SPMIP2: variants seen among roughly 807,000 people sequenced by gnomAD.
SPMIP2 encodes the protein protein SPMIP2.
the SPMIP2 span, among the ~76,000 whole-genome samples, chr4:158,920,400 C>A: frequency 6.6e-6 from 1 of 152,130 alleles, no homozygotes; most frequent in Non-Finnish European, 1.5e-5. Flanking sequence ...TTGTAGAGAG[C>A]CTATAAATGG....
the SPMIP2 span, among the ~76,000 whole-genome samples, chr4:159,060,814 G>A: frequency 2.0e-5 from 3 of 152,106 alleles, no homozygotes; most frequent in Non-Finnish European, 2.9e-5. Flanking sequence ...GCTGGGTGCC[G>A]TGGCTCCCGC....
the SPMIP2 span, among the ~76,000 whole-genome samples, chr4:158,909,768 C>T: frequency 6.6e-6 from 1 of 152,100 alleles, no homozygotes; most frequent in East Asian, 1.9e-4. Flanking sequence ...TGGGGCTGGA[C>T]GCAATGGCTC....
the SPMIP2 span, among the ~76,000 whole-genome samples, chr4:158,980,065 TCA>T: frequency 6.6e-6 from 1 of 152,106 alleles, no homozygotes; most frequent in African/African-American, 2.4e-5. Flanking sequence ...GGTTTTCCCC[TCA>T]CAGTGTAAAC....
chr4:159,002,760 A>T, the SPMIP2 span, among the ~76,000 whole-genome samples: 1 of 137,834 alleles, frequency 7.3e-6, no homozygotes, highest in Non-Finnish European at 1.6e-5. Context: ...AATGATACAT[A>T]TCACTGCACA....
the SPMIP2 span, among the ~76,000 whole-genome samples, chr4:158,952,283 A>C: frequency 2.6e-5 from 4 of 152,158 alleles, no homozygotes; most frequent in Admixed American, 2.6e-4. Context: ...CTCATTTTGA[A>C]TTGTACTCCC....
At chr4:158,946,565 T>C in the SPMIP2 span, among the ~76,000 whole-genome samples, 1 of 152,156 alleles carries the variant, frequency 6.6e-6, no homozygotes, top group East Asian at 1.9e-4. Flanking sequence ...GCCTTGCTTC[T>C]CTTTCGCCTT....
At chr4:158,926,067 T>G in the SPMIP2 span, among the ~76,000 whole-genome samples, 1 of 152,222 alleles carries the variant, frequency 6.6e-6, no homozygotes, top group Non-Finnish European at 1.5e-5. Context: ...CTTTAACATA[T>G]GAATATTGAG....
chr4:158,896,534 C>G, the SPMIP2 span, among the ~76,000 whole-genome samples: 1 of 152,134 alleles, frequency 6.6e-6, no homozygotes, highest in Non-Finnish European at 1.5e-5. Context: ...GATGATGATT[C>G]CCCTCACTTG....
At chr4:159,026,077 A>C in the SPMIP2 span, 1 of 212,924 alleles carries the variant, frequency 4.7e-6, no homozygotes, top group Admixed American at 5.7e-5. Flanking sequence ...TGCGCTGCCC[A>C]TGCCGACCTT....
chr4:158,926,969 C>CAA, the SPMIP2 span, among the ~76,000 whole-genome samples: 1 of 152,140 alleles, frequency 6.6e-6, no homozygotes. Context: ...ACCCATATAA[C>CAA]AAACCTACAC....
At chr4:158,894,382 G>A in the SPMIP2 span, among the ~76,000 whole-genome samples, 1 of 151,928 alleles carries the variant, frequency 6.6e-6, no homozygotes. Context: ...ATGTTGCCTA[G>A]GTTGGTCTTG....
At chr4:158,980,801 T>C in the SPMIP2 span, among the ~76,000 whole-genome samples, 76 of 152,278 alleles carry the variant, frequency 5.0e-4, no homozygotes, top group African/African-American at 1.7e-3. Flanking sequence ...ATGCCTCTTC[T>C]CTTTCAAAGG....
the SPMIP2 span, among the ~76,000 whole-genome samples, chr4:158,902,033 G>T: frequency 6.6e-6 from 1 of 151,984 alleles, no homozygotes; most frequent in Admixed American, 6.6e-5. Flanking sequence ...TTCCCTTGCT[G>T]GTGAGGAGCT....
At chr4:158,927,311 CTCTT>C in the SPMIP2 span, among the ~76,000 whole-genome samples, 1 of 152,180 alleles carries the variant, frequency 6.6e-6, no homozygotes, top group East Asian at 1.9e-4. Flanking sequence ...ACCATTCTAA[CTCTT>C]TGATTACTAC....
the SPMIP2 span, among the ~76,000 whole-genome samples, chr4:158,923,936 T>C: frequency 6.6e-6 from 1 of 152,202 alleles, no homozygotes; most frequent in African/African-American, 2.4e-5. Flanking sequence ...GTGATCCTAT[T>C]TGCTGATAGG....
At chr4:158,987,345 T>C in the SPMIP2 span, among the ~76,000 whole-genome samples, 1 of 152,060 alleles carries the variant, frequency 6.6e-6, no homozygotes, top group Non-Finnish European at 1.5e-5. Context: ...ATGTTTATTG[T>C]GGCACTATTC....
At chr4:158,995,849 C>G in the SPMIP2 span, among the ~76,000 whole-genome samples, 4 of 110,688 alleles carry the variant, frequency 3.6e-5, no homozygotes, top group Non-Finnish European at 5.4e-5. Flanking sequence ...GAGTGAGACT[C>G]CATCTCAAAA....
At chr4:158,935,560 A>C in the SPMIP2 span, among the ~76,000 whole-genome samples, 1 of 152,184 alleles carries the variant, frequency 6.6e-6, no homozygotes, top group African/African-American at 2.4e-5. Flanking sequence ...TTCTCTAATG[A>C]TACAAAAAAA....
At chr4:158,930,316 A>G in the SPMIP2 span, among the ~76,000 whole-genome samples, 1 of 151,750 alleles carries the variant, frequency 6.6e-6, no homozygotes, top group Non-Finnish European at 1.5e-5. Flanking sequence ...AGCTCAAGCA[A>G]TCCTCCCCAC....
Sources: allele counts gnomAD v4.1 joint callset (sites outside exome capture counted in the v4.1 genomes callset), GRCh38; gene constraint gnomAD v4.1.1; transcripts MANE v1.5; gene names NCBI Gene and HGNC (gene_info 2026-07-23, HGNC 2026-07-21).